SPTB: variants seen among roughly 807,000 people sequenced by gnomAD.
The protein encoded by SPTB is spectrin beta, erythrocytic, also known as spectrin beta chain, erythrocytic.
Under a neutral mutation model 256.2 loss-of-function variants are expected in SPTB, and 45 were observed. That is an observed-to-expected ratio of 0.18 (90% CI 0.14 to 0.23). SPTB has a LOEUF of 0.23. Ranked by LOEUF, SPTB falls within the 10% of genes least tolerant of loss-of-function variation. The probability of loss-of-function intolerance (pLI) is 1.00; values close to 1 mark genes in which losing one functional copy is unlikely to be tolerated. For missense variants in SPTB, 2,715 were observed against 3,040.4 expected (o/e 0.89, Z 2.52); for synonymous variants, 1,231 against 1,243.1 (o/e 0.99, Z 0.21).
chr14:64,861,742 T>C (rs1014601242), intron 1 of SPTB, among the ~76,000 whole-genome samples: 2 of 152,226 alleles, frequency 1.3e-5, no homozygotes, highest in African/African-American at 4.8e-5. Context: ...ACGGCTTTCC[T>C]CTGTAGTTCC....
intron 3 of SPTB, among the ~76,000 whole-genome samples, chr14:64,804,298 G>T (rs894050410): frequency 3.3e-5 from 5 of 152,182 alleles, no homozygotes; most frequent in Non-Finnish European, 7.3e-5. Context: ...TCAGCATGGA[G>T]TTGAAAAGGC....
chr14:64,856,445 C>G (rs895717561), intron 1 of SPTB, among the ~76,000 whole-genome samples: 2 of 152,226 alleles, frequency 1.3e-5, no homozygotes, highest in African/African-American at 4.8e-5. Context: ...CCATCAGCAT[C>G]ATGCCCCTAA....
Position 64,852,511 on chromosome 14 carries a change from A to G in SPTB, c.-52+27281T>C, listed in dbSNP as rs116714716. On this transcript the variant is annotated intron_variant, in intron 1 of 35. Transcript: ENST00000644917. The surrounding 1 kb of genome is among the most constrained non-coding windows in gnomAD (Gnocchi z 4.2). ...TTCAAAGGGGAAGGGACAAGATTAC[A>G]GGCAGGGAACTGATTAGGATGTCAC... is the stretch of plus-strand genomic sequence containing the variant. 4.1e-3 allele frequency among the ~76,000 whole-genome samples: 624 copies of G among 152,314 alleles called. 4 individuals are homozygous for G. The highest frequency in any genetic ancestry group is 0.014 in the African/African-American group (566 of 41,558).
chr14:64,772,658 C>A lies in SPTB; in HGVS notation c.5475G>T (p.Gly1825=). 6.2e-7 allele frequency: 1 copy of A among 1,613,420 alleles called. No homozygotes were observed. Among genetic ancestry groups the A allele is most frequent in the Non-Finnish European group, 8.5e-7 (1 of 1,179,810 alleles). Residue 1825 remains glycine, a synonymous_variant, in exon 26 of 36, where the codon GGG becomes GGT. Coordinates refer to ENST00000644917, the MANE Select transcript of SPTB (RefSeq NM_001355436.2). This position sits in a 1 kb window ranked among gnomAD's most constrained non-coding sequence, Gnocchi z 5.4. ...AGGACTCGGCCGTGCTGGCGTCCAGCCCCACGTCCTCGGGCAGCTCGCGGT... is the reference window on the plus strand; with the variant it reads ...AGGACTCGGCCGTGCTGGCGTCCAGACCCACGTCCTCGGGCAGCTCGCGGT... The part of the protein sequence containing the change: ...EKHRELPEDV[G]LDASTAESFH...
intron 1 of SPTB, among the ~76,000 whole-genome samples, chr14:64,875,548 G>A (rs72726257): frequency 0.03 from 4,552 of 152,280 alleles, 115 homozygotes; most frequent in South Asian, 0.12. Flanking sequence ...TCCCCTAATG[G>A]GGTGAAGAAG....
At chr14:64,820,491 A>G (rs1594812298) in intron 2 of SPTB, among the ~76,000 whole-genome samples, 1 of 152,220 alleles carries the variant, frequency 6.6e-6, no homozygotes, top group African/African-American at 2.4e-5. Context: ...TCAAACTTGC[A>G]TATTTACTTG....
intron 3 of SPTB, 39 bp downstream of exon 3, chr14:64,804,900 C>T (rs201057524): frequency 1.7e-4 from 267 of 1,612,674 alleles, no homozygotes; most frequent in Middle Eastern, 5.7e-4. Flanking sequence ...GAAGAGGGGC[C>T]GATGGCAGCA....
At chr14:64,863,763 T>C (rs189323027) in intron 1 of SPTB, among the ~76,000 whole-genome samples, 111 of 152,350 alleles carry the variant, frequency 7.3e-4, no homozygotes, top group Non-Finnish European at 1.4e-3. Flanking sequence ...CTCCCTAGTG[T>C]CCTAGATTTC....
chr14:64,837,912 A>C (rs2757700), intron 1 of SPTB, among the ~76,000 whole-genome samples: 12 of 152,156 alleles, frequency 7.9e-5, no homozygotes, highest in African/African-American at 2.9e-4. Context: ...GCGCGTGGCC[A>C]ACAAGCTGAT....
In SPTB at chr14:64,795,571, G is replaced by A. The variant is rs2082752663; in HGVS notation, c.1410C>T (p.Asp470=). 12 of 1,614,178 alleles carry A rather than the reference G, an allele frequency of 7.4e-6. No individual in the cohort carries two copies. In the East Asian group the frequency reaches 2.7e-4, roughly 36 times the overall value. ...AKKKHEAIET[D]TAAYEERVRA... is the part of the protein sequence containing the mutation. ...TCACCCGCTCCTCGTAGGCAGCCGT[G>A]TCGGTCTCGATGGCCTCATGCTTCT... Residue 470 remains aspartate (D), a synonymous_variant, in exon 12 of 36, where the codon GAC becomes GAT. Coordinates refer to ENST00000644917, the MANE Select transcript of SPTB (RefSeq NM_001355436.2). The surrounding 1 kb of genome is among the most constrained non-coding windows in gnomAD (Gnocchi z 6.5).
At chr14:64,814,551 T>C (rs1256192241) in intron 2 of SPTB, among the ~76,000 whole-genome samples, 1 of 152,236 alleles carries the variant, frequency 6.6e-6, no homozygotes, top group African/African-American at 2.4e-5. Context: ...AGTCTCCCAC[T>C]GTCGCTCAGG....
At chr14:64,797,501 A>T (rs1197142244) in intron 10 of SPTB, among the ~76,000 whole-genome samples, 1 of 116,730 alleles carries the variant, frequency 8.6e-6, no homozygotes, top group South Asian at 2.9e-4. Context: ...AAAAAAAAAA[A>T]AGGACTCAGG....
chr14:64,785,956 T>A lies in SPTB; in HGVS notation c.3562-5A>T, dbSNP rs1361305480. ...CAAGTGAGCCAGAGTGTATTCCTGT[T>A]GGAACAAGTTTCCAGACAAGGCATG... On this transcript the variant is annotated splice_polypyrimidine_tract_variant and splice_region_variant and intron_variant, in intron 16 of 35. Coordinates refer to ENST00000644917, the MANE Select transcript of SPTB (RefSeq NM_001355436.2). The surrounding 1 kb of genome is among the most constrained non-coding windows in gnomAD (Gnocchi z 4.4). 9 of 1,613,780 alleles carry A rather than the reference T, an allele frequency of 5.6e-6. No individual in the cohort carries two copies. The Admixed American group carries it at 1.5e-4, about 27-fold the overall frequency.
chr14:64,803,650 C>T lies in SPTB; in HGVS notation c.431G>A (p.Arg144His), dbSNP rs1245522195. 16 of 1,614,056 alleles carry T rather than the reference C, an allele frequency of 9.9e-6. No homozygotes were observed. Among genetic ancestry groups the T allele is most frequent in the South Asian group, 2.2e-5 (2 of 91,090 alleles). The change falls in exon 4 of 36, where the codon CGC becomes CAC. Residue 144 changes from arginine (R) to histidine (H), a missense_variant. By Grantham distance (29) the Arg-to-His change is conservative. Transcript: ENST00000644917. ...GSHDIVDGNH[R>H]LVLGLIWTII... ...GGTCCAGATGAGGCCCAGGACCAGG[C>T]GGTGGTTGCCATCTACAATGTCGTG...
At chr14:64,829,726 A>G (rs2083423810) in intron 1 of SPTB, among the ~76,000 whole-genome samples, 1 of 152,188 alleles carries the variant, frequency 6.6e-6, no homozygotes, top group Admixed American at 6.5e-5. Flanking sequence ...AAACTTTGAT[A>G]AAATTGGCAA....
In SPTB at chr14:64,777,156, G is replaced by A. The variant is rs193109419; in HGVS notation, c.4564-1753C>T. ...ATGACGGGAGGGAGGCAACCACACA[G>A]AGATCTGGGGTTGAGTGTTCCTGGC... On this transcript the variant is annotated intron_variant, in intron 22 of 35. Coordinates refer to ENST00000644917, the MANE Select transcript of SPTB (RefSeq NM_001355436.2). This position sits in a 1 kb window ranked among gnomAD's most constrained non-coding sequence, Gnocchi z 4.5. 2.5e-3 allele frequency among the ~76,000 whole-genome samples: 386 copies of A among 152,326 alleles called. 4 individuals carry two copies. The highest frequency in any genetic ancestry group is 8.8e-3 in the African/African-American group (367 of 41,586).
chr14:64,806,582 G>A lies in SPTB; in HGVS notation c.149-1492C>T, dbSNP rs535169546. On this transcript the variant is annotated intron_variant, in intron 2 of 35. Coordinates refer to ENST00000644917, the MANE Select transcript of SPTB (RefSeq NM_001355436.2). The surrounding 1 kb of genome is among the most constrained non-coding windows in gnomAD (Gnocchi z 4.1). ...CAAGGGTAGAATCCTGGCAGTTCCT[G>A]AGGCTTGCTGCATCAGATGCCTTCC... is the stretch of plus-strand genomic sequence containing the variant. Among the ~76,000 whole-genome samples the A allele has an allele frequency of 7.2e-4, 109 of 152,362 alleles. No individual in the cohort carries two copies. Among genetic ancestry groups the A allele is most frequent in the African/African-American group, 2.6e-3 (107 of 41,590 alleles).
rs1379676846 is a variant in SPTB, at chr14:64,748,920, T to A, written c.*386A>T. ...AACGGGCAGCGTTTGAAGAACCCCA[T>A]CAGCCTTCTCCAGCTCTTTTTTTTT... On this transcript the variant is annotated 3_prime_UTR_variant, in exon 36 of 36. Transcript: ENST00000644917. 5.2e-6 allele frequency: 1 copy of A among 192,094 alleles called. No homozygotes were observed. Among genetic ancestry groups the A allele is most frequent in the Non-Finnish European group, 1.0e-5 (1 of 96,284 alleles). The allele number at this position is 192,094 out of a possible 1,614,324, so 11.9% of individuals were successfully genotyped here. A position where few individuals can be genotyped will look rare whatever the true frequency, so the allele number is the denominator to read the frequency against.
rs1295330805 is a variant in SPTB, at chr14:64,797,915, A to G, written c.1065-69T>C. ...TGGCCAAATTTTTTTGCTAAAGTCA[A>G]CACGGAACTGTGGCATCTTGAAGCG... On this transcript the variant is annotated intron_variant, in intron 9 of 35. Coordinates refer to ENST00000644917, the MANE Select transcript of SPTB (RefSeq NM_001355436.2). 9 of 1,073,798 alleles carry G rather than the reference A, an allele frequency of 8.4e-6. No homozygotes were observed. The African/African-American group carries it at 1.4e-4, about 17-fold the overall frequency. 66.5% of individuals were successfully genotyped at this position (1,073,798 alleles called of 1,614,324 possible).
Sources: gnomAD v4.1 joint callset for allele counts (sites outside exome capture counted in the v4.1 genomes callset) on GRCh38, gnomAD v4.1.1 for gene constraint, Gnocchi (gnomAD v3.1) non-coding constraint, MANE v1.5 for transcripts, NCBI Gene and HGNC (gene_info 2026-07-23, HGNC 2026-07-21) for gene names.